MAGI2: variants seen among roughly 807,000 people sequenced by gnomAD.
MAGI2 encodes membrane associated guanylate kinase, WW and PDZ domain containing 2.
In MAGI2, 35 loss-of-function variants were observed where a neutral mutation model predicts 133.3. The ratio of observed to expected loss-of-function variants is 0.26; its 90% confidence interval spans 0.20 to 0.35. The LOEUF is 0.35. MAGI2 is among the 10% of genes least tolerant of loss of function. The pLI is 1.00. For synonymous variants in MAGI2, 729 were observed against 710.6 expected (o/e 1.03, Z -0.41); for missense variants, 1,636 against 1,863.4 (o/e 0.88, Z 2.25).
chr7:79,330,116 G>T (rs1214303797), intron 1 of MAGI2, among the ~76,000 whole-genome samples: 1 of 145,154 alleles, frequency 6.9e-6, no homozygotes, highest in Non-Finnish European at 1.5e-5. Context: ...AACTAAACGT[G>T]CCATGAAGAA....
At position 79,149,583 on chromosome 7, in the gene MAGI2, T is replaced by A. The variant is rs572268982; in HGVS notation, c.302-142377A>T. Among the ~76,000 whole-genome samples, 5 of 152,248 alleles carry A rather than the reference T, an allele frequency of 3.3e-5. No homozygotes were observed. In the East Asian group the frequency reaches 7.7e-4, roughly 24 times the overall value. ...CTGAGCATTGAAGGAAATTGAATCA[T>A]ACAATGAGTTAGTCCTTTCCAATTC... On this transcript the variant is annotated intron_variant, in intron 1 of 21. Transcript: ENST00000354212.
intron 10 of MAGI2, among the ~76,000 whole-genome samples, chr7:78,209,486 C>A (rs1026355635): frequency 1.3e-5 from 2 of 151,716 alleles, no homozygotes; most frequent in Non-Finnish European, 2.9e-5. Flanking sequence ...TGGTCTTGAT[C>A]TCCTGACCTC....
At chr7:78,964,139 T>C (rs960687855) in intron 2 of MAGI2, among the ~76,000 whole-genome samples, 3 of 143,752 alleles carry the variant, frequency 2.1e-5, no homozygotes, top group African/African-American at 8.8e-5. Context: ...ATCTACGCTC[T>C]TTTTTTTTCT....
chr7:79,191,299 T>C (rs968300192), intron 1 of MAGI2, among the ~76,000 whole-genome samples: 4 of 151,502 alleles, frequency 2.6e-5, no homozygotes, highest in African/African-American at 9.7e-5. Context: ...GGATCTTCCT[T>C]CACATAGAGA....
At chr7:78,270,709 C>G (rs1794479999) in intron 9 of MAGI2, among the ~76,000 whole-genome samples, 1 of 152,090 alleles carries the variant, frequency 6.6e-6, no homozygotes, top group Non-Finnish European at 1.5e-5. Flanking sequence ...TAACACCCCA[C>G]TGTCAACATT....
chr7:79,419,637 G>A (rs573878650), intron 1 of MAGI2, among the ~76,000 whole-genome samples: 1 of 152,060 alleles, frequency 6.6e-6, no homozygotes, highest in South Asian at 2.1e-4. Flanking sequence ...AATATATAAA[G>A]AGGAAACCAT....
intron 16 of MAGI2, among the ~76,000 whole-genome samples, chr7:78,145,407 T>C (rs1001163980): frequency 6.6e-6 from 1 of 152,196 alleles, no homozygotes; most frequent in Non-Finnish European, 1.5e-5. Context: ...TTGTTTCCTT[T>C]AGTTTGGTTT....
intron 10 of MAGI2, among the ~76,000 whole-genome samples, chr7:78,239,619 A>T (rs553509989): frequency 4.6e-5 from 7 of 152,252 alleles, no homozygotes; most frequent in Non-Finnish European, 7.3e-5. Flanking sequence ...TATTTATCAC[A>T]AAAAGATATA....
intron 21 of MAGI2, among the ~76,000 whole-genome samples, chr7:78,052,519 C>T (rs1051035275): frequency 6.6e-6 from 1 of 152,224 alleles, no homozygotes; most frequent in African/African-American, 2.4e-5. Context: ...TATAAATGAC[C>T]CATCCTCAGG....
chr7:78,903,987 T>C (rs1008152773), intron 2 of MAGI2: 1 of 152,220 alleles, frequency 6.6e-6, no homozygotes, highest in African/African-American at 2.4e-5. Flanking sequence ...AATGCCATTC[T>C]TGTCTTATTT....
At chr7:78,493,779 T>C (rs1037654173) in intron 5 of MAGI2, among the ~76,000 whole-genome samples, 2 of 152,144 alleles carry the variant, frequency 1.3e-5, no homozygotes, top group Non-Finnish European at 2.9e-5. Flanking sequence ...TTACCTACTG[T>C]TTATGGATAG....
At chr7:78,442,311 C>T (rs1219420275) in intron 6 of MAGI2, among the ~76,000 whole-genome samples, 2 of 152,170 alleles carry the variant, frequency 1.3e-5, no homozygotes, top group Non-Finnish European at 2.9e-5. Flanking sequence ...TTCTATGTGT[C>T]TTATACGAAT....
At chr7:78,044,410 C>A (rs375700153) in intron 21 of MAGI2, among the ~76,000 whole-genome samples, 10 of 152,280 alleles carry the variant, frequency 6.6e-5, no homozygotes, top group African/African-American at 2.4e-4. Context: ...GTAAGGGCCA[C>A]CCACGATGGC....
At chr7:79,135,946 A>G (rs894506371) in intron 1 of MAGI2, among the ~76,000 whole-genome samples, 2 of 17,412 alleles carry the variant, frequency 1.1e-4, no homozygotes, top group African/African-American at 1.6e-4. Flanking sequence ...CTCGAAAGAA[A>G]GAAAGAAAGA....
intron 6 of MAGI2, among the ~76,000 whole-genome samples, chr7:78,475,507 T>C (rs1791656522): frequency 6.6e-6 from 1 of 151,952 alleles, no homozygotes. Context: ...GGTAAGAATA[T>C]AGTTTAGTAA....
At chr7:78,111,350 C>A (rs761882857) in intron 20 of MAGI2, among the ~76,000 whole-genome samples, 15 of 152,222 alleles carry the variant, frequency 9.9e-5, no homozygotes, top group Non-Finnish European at 2.1e-4. Context: ...TCTCCTCACA[C>A]TTCTAATGTA....
chr7:79,259,262 C>A (rs936262372), intron 1 of MAGI2, among the ~76,000 whole-genome samples: 2 of 152,110 alleles, frequency 1.3e-5, no homozygotes, highest in Non-Finnish European at 2.9e-5. Context: ...GAAGTTTCTG[C>A]AATGTTGTAG....
chr7:79,071,340 C>A (rs555737336), intron 1 of MAGI2, among the ~76,000 whole-genome samples: 1 of 152,130 alleles, frequency 6.6e-6, no homozygotes, highest in Non-Finnish European at 1.5e-5. Flanking sequence ...AGAGGGGCAC[C>A]CCCCCAGATG....
intron 2 of MAGI2, among the ~76,000 whole-genome samples, chr7:78,875,637 G>C (rs1795358454): frequency 6.6e-6 from 1 of 151,976 alleles, no homozygotes; most frequent in South Asian, 2.1e-4. Flanking sequence ...TGACAAAACA[G>C]CACATATTGC....
Sources: allele counts gnomAD v4.1 joint callset (sites outside exome capture counted in the v4.1 genomes callset), GRCh38; gene constraint gnomAD v4.1.1; transcripts MANE v1.5; gene names NCBI Gene and HGNC (gene_info 2026-07-23, HGNC 2026-07-21).